NCKIPSD: variants seen among roughly 807,000 people sequenced by gnomAD.
NCKIPSD encodes the protein NCK interacting protein with SH3 domain.
A neutral mutation model predicts 73.4 loss-of-function variants in NCKIPSD; 48 were observed. The observed-to-expected ratio is 0.65, with a 90% CI of 0.52 to 0.83. NCKIPSD has a LOEUF of 0.83. Ranked by LOEUF, NCKIPSD falls within the 40% of genes least tolerant of loss-of-function variation. NCKIPSD has a pLI of 0.00. For missense variants in NCKIPSD, 884 were observed against 970.2 expected (o/e 0.91, Z 1.18); for synonymous variants, 422 against 403.6 (o/e 1.05, Z -0.54).
chr3:48,681,364 C>A lies in NCKIPSD; in HGVS notation c.1015G>T (p.Val339Leu). The A allele has an allele frequency of 6.2e-7, 1 of 1,611,746 alleles. No individual in the cohort carries two copies. The highest frequency in any genetic ancestry group is 8.5e-7 in the Non-Finnish European group (1 of 1,178,994). ...ELCRVAIGII[V>L]GHIQASVPAS... Reference sequence around the variant, plus strand: ...GGCACCGAGGCCTGGATGTGACCCACTATGATGCCGATGGCCACCCGGCAT... The same window carrying A: ...GGCACCGAGGCCTGGATGTGACCCAATATGATGCCGATGGCCACCCGGCAT... The change falls in exon 5 of 13, where the codon GTG (valine) becomes TTG (leucine). Residue 339 changes from valine to leucine, a missense_variant. Transcript: ENST00000294129.
At chr3:48,677,637 T>A (rs971951191) in intron 12 of NCKIPSD, among the ~76,000 whole-genome samples, 1 of 152,166 alleles carries the variant, frequency 6.6e-6, no homozygotes, top group Non-Finnish European at 1.5e-5. Flanking sequence ...CTGACCTCTG[T>A]GTGGTGAATC....
chr3:48,674,590 C>G lies in NCKIPSD; in HGVS notation c.2123G>C (p.Arg708Pro). Residue 708 changes from arginine (R) to proline (P), a missense_variant, in exon 13 of 13, where the codon CGA (arginine) becomes CCA (proline). Physicochemically the swap from Arg to Pro is moderately radical, Grantham distance 103. Coordinates refer to ENST00000294129, the MANE Select transcript of NCKIPSD (RefSeq NM_016453.4). ...CACCAGGAATTCCTTGCACATCTCT[C>G]GGACAATCATGCGGTCCATCTGGCA... ...PQCQMDRMIV[R>P]EMCKEFLVLG... 13 of 1,607,968 alleles carry G rather than the reference C, an allele frequency of 8.1e-6. No homozygotes were observed. The highest frequency in any genetic ancestry group is 1.1e-5 in the Non-Finnish European group (13 of 1,177,006).
At chr3:48,685,187 AAGGAAGGGAGGGAGGG>A (rs1559497317) in intron 1 of NCKIPSD, among the ~76,000 whole-genome samples, 1 of 44,336 alleles carries the variant, frequency 2.3e-5, no homozygotes. Context: ...TTGGGGGAAG[AAGGAAGGGAGGGAGGG>A]AGGGAGGGAG....
At chr3:48,678,538 C>G (rs1199337814) in intron 12 of NCKIPSD, 26 bp downstream of exon 12, 12 of 1,593,968 alleles carry the variant, frequency 7.5e-6, no homozygotes, top group Non-Finnish European at 1.0e-5. Context: ...ACAGTGACCC[C>G]CGCTGCTGCA....
intron 12 of NCKIPSD, among the ~76,000 whole-genome samples, chr3:48,676,656 T>C (rs1224497079): frequency 6.6e-6 from 1 of 152,102 alleles, no homozygotes; most frequent in Non-Finnish European, 1.5e-5. Context: ...AATTTTATTT[T>C]CTACTGTGGT....
rs1349329438 is a variant in NCKIPSD at position 48,682,543 on chromosome 3, G to A, written c.291C>T (p.Ile97=). ...LEQRGVLQKL[I]HHRKETLSRR... ...GTGACAGGGTCTCTTTCCGGTGGTG[G>A]ATCAGCTTCCTGATGGAAGGACAGG... is the stretch of plus-strand genomic sequence containing the variant. Residue 97 remains isoleucine (I), a synonymous_variant, in exon 3 of 13, where the codon ATC becomes ATT. Transcript: ENST00000294129. The A allele has an allele frequency of 1.2e-6, 2 of 1,613,826 alleles. No homozygotes were observed. The highest frequency in any genetic ancestry group is 2.7e-5 in the African/African-American group (2 of 74,894).
Position 48,680,235 on chromosome 3 carries a change from G to T in NCKIPSD, c.1093-6C>A. 1 of 1,603,826 alleles carries T rather than the reference G, an allele frequency of 6.2e-7. No individual in the cohort carries two copies. The highest frequency in any genetic ancestry group is 1.1e-5 in the South Asian group (1 of 90,200). On this transcript the variant is annotated splice_polypyrimidine_tract_variant and splice_region_variant and intron_variant, in intron 5 of 12. Coordinates refer to ENST00000294129, the MANE Select transcript of NCKIPSD (RefSeq NM_016453.4). ...GGCAGGGCCATGCTGAGGTCCTAGAGGGAGAGGGCAAGGCATGACTCAGCA... is the reference window on the plus strand; with the variant it reads ...GGCAGGGCCATGCTGAGGTCCTAGATGGAGAGGGCAAGGCATGACTCAGCA...
Position 48,679,465 on chromosome 3 carries a change from G to A in NCKIPSD, c.1490-8C>T, listed in dbSNP as rs745756060. ...AACAGAGTTTCTGGTGGTCTGGGGGGGACAAGGCAGGCAGTCAGAGTCCCC... is the reference window on the plus strand; with the variant it reads ...AACAGAGTTTCTGGTGGTCTGGGGGAGACAAGGCAGGCAGTCAGAGTCCCC... On this transcript the variant is annotated splice_region_variant and splice_polypyrimidine_tract_variant and intron_variant, in intron 8 of 12. Transcript: ENST00000294129. The A allele has an allele frequency of 2.6e-5, 42 of 1,609,624 alleles. No individual in the cohort carries two copies. The highest frequency in any genetic ancestry group is 3.6e-5 in the Non-Finnish European group (42 of 1,177,042).
At position 48,674,357 on chromosome 3, in the gene NCKIPSD, TC is replaced by T; in HGVS notation, c.*186del. On this transcript the variant is annotated 3_prime_UTR_variant, in exon 13 of 13. Transcript: ENST00000294129. ...CATATTCCCCCTGCCCCAGAACAGC[TC>T]CCAGACCATGGTCCCCAATCCTACA... 2 of 1,436,422 alleles carry T rather than the reference TC, an allele frequency of 1.4e-6. No individual in the cohort carries two copies. Among genetic ancestry groups the T allele is most frequent in the Non-Finnish European group, 1.8e-6 (2 of 1,098,088 alleles). 89.0% of individuals were successfully genotyped at this position (1,436,422 alleles called of 1,614,324 possible).
In NCKIPSD at chr3:48,679,586, G is replaced by C. The variant is rs761461525; in HGVS notation, c.1478C>G (p.Thr493Arg). The C allele has an allele frequency of 6.2e-7, 1 of 1,614,160 alleles. No individual in the cohort carries two copies. Among genetic ancestry groups the C allele is most frequent in the Non-Finnish European group, 8.5e-7 (1 of 1,179,998 alleles). Residue 493 changes from threonine (T) to arginine (R), a missense_variant, in exon 8 of 13, where the codon ACA (threonine) becomes AGA (arginine). Thr to Arg is a moderately conservative substitution (Grantham distance 71). Coordinates refer to ENST00000294129, the MANE Select transcript of NCKIPSD (RefSeq NM_016453.4). The part of the protein sequence containing the change: ...LPVELARDMQ[T>R]DTQDHQKLCY... ...CCCTCCAGCCTCACCCTGCGTGTCTGTCTGCATGTCCCTCGCCAGCTCTAC... is the reference window on the plus strand; with the variant it reads ...CCCTCCAGCCTCACCCTGCGTGTCTCTCTGCATGTCCCTCGCCAGCTCTAC...
intron 12 of NCKIPSD, among the ~76,000 whole-genome samples, chr3:48,675,527 T>TCA (rs1559489976): frequency 8.5e-5 from 5 of 58,996 alleles, no homozygotes; most frequent in Admixed American, 5.1e-4. Context: ...TATATATATA[T>TCA]GATATATATA....
At chr3:48,683,103 A>C in intron 1 of NCKIPSD, 91 bp from the exon 2 acceptor site, 2 of 1,535,614 alleles carry the variant, frequency 1.3e-6, no homozygotes, top group Non-Finnish European at 1.7e-6. Flanking sequence ...AGGGCAGAGA[A>C]CCAATATAGC....
chr3:48,675,842 G>A lies in NCKIPSD; in HGVS notation c.1966-1095C>T, dbSNP rs768862194. Among the ~76,000 whole-genome samples, 6 of 151,932 alleles carry A rather than the reference G, an allele frequency of 3.9e-5. No individual in the cohort carries two copies. The East Asian group carries it at 9.6e-4, about 24-fold the overall frequency. On this transcript the variant is annotated intron_variant, in intron 12 of 12. Coordinates refer to ENST00000294129, the MANE Select transcript of NCKIPSD (RefSeq NM_016453.4). ...ATTACAGGCGTGAACCACCACGCCC[G>A]GCCAGCCCTTATGACTTGACAGCTT...
intron 3 of NCKIPSD, 52 bp from the exon 4 acceptor site, chr3:48,682,208 G>C: frequency 6.4e-7 from 1 of 1,567,944 alleles, no homozygotes; most frequent in Non-Finnish European, 8.6e-7. Flanking sequence ...TAGAGCGTCA[G>C]CGAGGCTCGG....
In NCKIPSD at chr3:48,680,096, A is replaced by G. The variant is rs951260924; in HGVS notation, c.1226T>C (p.Val409Ala). 5.6e-6 allele frequency: 9 copies of G among 1,613,872 alleles called. No individual in the cohort carries two copies. The highest frequency in any genetic ancestry group is 6.8e-6 in the Non-Finnish European group (8 of 1,179,826). ...RSWALYEDEG[V>A]IRCYLEELLH... is the part of the protein sequence containing the mutation. ...CAGCTCCTCTAGGTAGCAGCGGATG[A>G]CACCCTCATCCTCATATAGTGCCCA... The change falls in exon 6 of 13, where the codon GTC (valine) becomes GCC (alanine). Residue 409 changes from valine to alanine, a missense_variant. Coordinates refer to ENST00000294129, the MANE Select transcript of NCKIPSD (RefSeq NM_016453.4).
chr3:48,681,956 T>G, intron 4 of NCKIPSD, 89 bp downstream of exon 4: 2 of 1,509,650 alleles, frequency 1.3e-6, no homozygotes, highest in South Asian at 2.4e-5. Flanking sequence ...CTTCCCCAGC[T>G]TAGAGCCTCC....
chr3:48,675,428 A>G (rs2077235374), intron 12 of NCKIPSD, among the ~76,000 whole-genome samples: 1 of 149,184 alleles, frequency 6.7e-6, no homozygotes, highest in African/African-American at 2.5e-5. Flanking sequence ...ATTCATCTCC[A>G]ACAGCCTCTC....
Position 48,679,798 on chromosome 3 carries a change from T to C in NCKIPSD, c.1350+3A>G, listed in dbSNP as rs201267485. The stretch of plus-strand genomic sequence containing the variant: ...TTACCCCTCCCCTCCATCCTGCACA[T>C]ACCATTTGGTAATAGGCCACCAAGG... On this transcript the variant is annotated splice_donor_region_variant and intron_variant, in intron 7 of 12. Transcript: ENST00000294129. 1.9e-6 allele frequency: 3 copies of C among 1,614,220 alleles called. No individual in the cohort carries two copies. Among genetic ancestry groups the C allele is most frequent in the African/African-American group, 1.3e-5 (1 of 75,062 alleles).
Position 48,680,195 on chromosome 3 carries a change from C to G in NCKIPSD, c.1127G>C (p.Cys376Ser), listed in dbSNP as rs775481761. 25 of 1,613,348 alleles carry G rather than the reference C, an allele frequency of 1.5e-5. No homozygotes were observed. In the East Asian group the frequency reaches 4.7e-4, roughly 30 times the overall value. Residue 376 changes from cysteine (C) to serine (S), a missense_variant, in exon 6 of 13, where the codon TGC becomes TCC. Physicochemically the swap from Cys to Ser is moderately radical, Grantham distance 112. Transcript: ENST00000294129. ...LSMALPSGQVCHDQQRLEVIF... is the reference protein window; with the variant it reads ...LSMALPSGQVSHDQQRLEVIF... ...CACCTCCAGCCTCTGCTGGTCGTGG[C>G]AGACCTGCCCTGAGGGCAGGGCCAT...
Sources: allele counts gnomAD v4.1 joint callset (sites outside exome capture counted in the v4.1 genomes callset), GRCh38; gene constraint gnomAD v4.1.1; transcripts MANE v1.5; gene names NCBI Gene and HGNC (gene_info 2026-07-23, HGNC 2026-07-21).